PRKRA: variants seen among roughly 807,000 people sequenced by gnomAD.
PRKRA encodes the protein protein activator of interferon induced protein kinase EIF2AK2.
Under a neutral mutation model 32.4 loss-of-function variants are expected in PRKRA, and 22 were observed. The ratio of observed to expected loss-of-function variants is 0.68; its 90% confidence interval spans 0.49 to 0.97. The LOEUF is 0.97. Ranked by LOEUF, PRKRA falls within the 50% of genes least tolerant of loss-of-function variation. The pLI, the probability that PRKRA is intolerant of heterozygous loss-of-function variation, is 0.00. For synonymous variants in PRKRA, 139 were observed against 129.8 expected, an observed-to-expected ratio of 1.07 and a Z score of -0.48; for missense variants, 319 against 375.6, an observed-to-expected ratio of 0.85 and a Z score of 1.25.
chr2:178,445,646 T>C (rs1289660086), intron 3 of PRKRA: 1 of 154,516 alleles, frequency 6.5e-6, no homozygotes. Context: ...TACTTAATGG[T>C]TGGGTTCACC....
At position 178,443,348 on chromosome 2, in the gene PRKRA, A is replaced by G; in HGVS notation, c.433T>C (p.Tyr145His). The G allele has an allele frequency of 1.9e-6, 3 of 1,613,262 alleles. No individual in the cohort carries two copies. Among genetic ancestry groups the G allele is most frequent in the Non-Finnish European group, 2.5e-6 (3 of 1,179,220 alleles). Residue 145 changes from tyrosine to histidine, a missense_variant, in exon 5 of 8, where the codon TAT (tyrosine) becomes CAT (histidine). Transcript: ENST00000325748. Reference protein sequence around the residue: ...AIHHGWRLPEYTLSQEGGPAH... With the variant: ...AIHHGWRLPEHTLSQEGGPAH... ...GGTCCTCCCTCCTGGGAAAGGGTAT[A>G]TTCAGGAAGTCTCCAGCCATGATGA...
intron 4 of PRKRA, chr2:178,443,876 A>T (rs979067993): frequency 1.2e-5 from 2 of 173,408 alleles, no homozygotes; most frequent in Admixed American, 1.1e-4. Flanking sequence ...GGAAAAGGAG[A>T]CCAAAGGACT....
At position 178,447,543 on chromosome 2, in the gene PRKRA, C is replaced by T; in HGVS notation, c.279G>A (p.Glu93=). Residue 93 remains glutamate, a synonymous_variant, in exon 3 of 8, where the codon GAG becomes GAA. Transcript: ENST00000325748. ...SKKLAKHRAA[E]AAINILKANA... is the part of the protein sequence containing the mutation. Reference sequence around the variant, plus strand: ...TGGCTTTCAAAATGTTTATGGCAGCCTCTGCAGCTCTATGTTTCGCCAGCT... The same window carrying T: ...TGGCTTTCAAAATGTTTATGGCAGCTTCTGCAGCTCTATGTTTCGCCAGCT... 6.2e-7 allele frequency: 1 copy of T among 1,614,124 alleles called. No individual in the cohort carries two copies. The highest frequency in any genetic ancestry group is 2.2e-5 in the East Asian group (1 of 44,874).
rs1697615473 is a variant in PRKRA at position 178,451,086 on chromosome 2, G to C, written c.-56C>G. On this transcript the variant is annotated 5_prime_UTR_variant, in exon 1 of 8. Coordinates refer to ENST00000325748, the MANE Select transcript of PRKRA (RefSeq NM_003690.5). Reference sequence around the variant, plus strand: ...AAGAGCGGTGCGGAGCGACGTGCTCGCTCCCCGGGTCGCTGGTCCCCGGGA... The same window carrying C: ...AAGAGCGGTGCGGAGCGACGTGCTCCCTCCCCGGGTCGCTGGTCCCCGGGA... The C allele has an allele frequency of 5.3e-6, 8 of 1,522,262 alleles. No individual in the cohort carries two copies. The highest frequency in any genetic ancestry group is 7.0e-6 in the Non-Finnish European group (8 of 1,136,934). The allele number at this position is 1,522,262 out of a possible 1,614,324, so 94.3% of individuals were successfully genotyped here.
At chr2:178,446,855 T>C (rs1444263790) in intron 3 of PRKRA, among the ~76,000 whole-genome samples, 1 of 151,104 alleles carries the variant, frequency 6.6e-6, no homozygotes, top group East Asian at 1.9e-4. Context: ...TAGCTGGGCG[T>C]AGTGGCGGGC....
chr2:178,435,902 A>G (rs932200574), intron 7 of PRKRA, among the ~76,000 whole-genome samples: 1 of 152,238 alleles, frequency 6.6e-6, no homozygotes. Flanking sequence ...GCACACAGTA[A>G]AACTCTATCT....
At chr2:178,435,082 T>A (rs111972642) in intron 7 of PRKRA, among the ~76,000 whole-genome samples, 5 of 151,944 alleles carry the variant, frequency 3.3e-5, no homozygotes, top group African/African-American at 1.2e-4. Context: ...GTGGGTGTGG[T>A]GGCACACAGC....
At chr2:178,446,066 G>A (rs572763316) in intron 3 of PRKRA, among the ~76,000 whole-genome samples, 16 of 151,524 alleles carry the variant, frequency 1.1e-4, no homozygotes, top group Non-Finnish European at 2.2e-4. Flanking sequence ...ACAGGCTGGA[G>A]TGCAGGGGCA....
chr2:178,443,177 G>T, intron 5 of PRKRA, 90 bp downstream of exon 5: 1 of 729,172 alleles, frequency 1.4e-6, no homozygotes. Flanking sequence ...TTTCTGCATA[G>T]AAATATTTGA....
chr2:178,433,136 C>G (rs1409010410), intron 7 of PRKRA, among the ~76,000 whole-genome samples: 2 of 152,042 alleles, frequency 1.3e-5, no homozygotes, highest in African/African-American at 4.8e-5. Flanking sequence ...TTCTTTTCTC[C>G]TGACCCTCCA....
chr2:178,449,557 C>A (rs1354746528), intron 2 of PRKRA, among the ~76,000 whole-genome samples: 1 of 152,190 alleles, frequency 6.6e-6, no homozygotes, highest in East Asian at 1.9e-4. Flanking sequence ...CTTTAGTTAT[C>A]ATTTGCTCAA....
intron 1 of PRKRA, 166 bp downstream of exon 1, chr2:178,450,800 C>T: frequency 7.4e-7 from 1 of 1,345,042 alleles, no homozygotes; most frequent in Admixed American, 4.0e-5. Flanking sequence ...CGGCCGCAGA[C>T]CCCAACCCTC....
At chr2:178,450,943 G>A in intron 1 of PRKRA, 23 bp downstream of exon 1, 1 of 787,100 alleles carries the variant, frequency 1.3e-6, no homozygotes, top group Non-Finnish European at 1.7e-6. Flanking sequence ...CGGCCCTGGG[G>A]CCCTGACTGC....
intron 7 of PRKRA, among the ~76,000 whole-genome samples, chr2:178,434,291 A>G (rs530780849): frequency 3.9e-5 from 6 of 151,918 alleles, no homozygotes; most frequent in Non-Finnish European, 8.8e-5. Flanking sequence ...TTGTATTTTT[A>G]GTAGAGACAG....
At chr2:178,439,903 ATTATT>A (rs1261933907) in intron 6 of PRKRA, 3 of 152,106 alleles carry the variant, frequency 2.0e-5, no homozygotes, top group Non-Finnish European at 4.4e-5. Context: ...ATGCTATATC[ATTATT>A]TTAATATTGT....
intron 5 of PRKRA, among the ~76,000 whole-genome samples, chr2:178,442,309 G>A (rs778283965): frequency 6.6e-6 from 1 of 151,940 alleles, no homozygotes; most frequent in Admixed American, 6.6e-5. Context: ...ACCATATTTG[G>A]TTTAATTCTG....
At chr2:178,437,387 GCACA>G (rs200085584) in intron 6 of PRKRA, among the ~76,000 whole-genome samples, 8,279 of 152,162 alleles carry the variant, frequency 0.054, 685 homozygotes, top group African/African-American at 0.18. Context: ...GCATATGCAA[GCACA>G]CACAATCTTT....
intron 2 of PRKRA, 23 bp from the exon 3 acceptor site, chr2:178,447,609 A>G: frequency 1.2e-6 from 1 of 805,826 alleles, no homozygotes; most frequent in Non-Finnish European, 1.8e-6. Flanking sequence ...TTAAAAAAAG[A>G]AGTCTTTATC....
chr2:178,448,094 C>G (rs1443588654), intron 2 of PRKRA, among the ~76,000 whole-genome samples: 1 of 152,202 alleles, frequency 6.6e-6, no homozygotes, highest in African/African-American at 2.4e-5. Context: ...CTTTGCTAGG[C>G]TGAGCAGTCA....
Sources: gnomAD v4.1 joint callset for allele counts (sites outside exome capture counted in the v4.1 genomes callset) on GRCh38, gnomAD v4.1.1 for gene constraint, MANE v1.5 for transcripts, NCBI Gene and HGNC (gene_info 2026-07-23, HGNC 2026-07-21) for gene names.